PCDHGB2: variants seen among roughly 807,000 people sequenced by gnomAD.
PCDHGB2 encodes protocadherin gamma subfamily B, 2.
Under a neutral mutation model 59.3 loss-of-function variants are expected in PCDHGB2, and 55 were observed. That is an observed-to-expected ratio of 0.93 (90% confidence interval 0.75 to 1.16). The LOEUF (loss-of-function observed/expected upper bound fraction) is 1.16, where lower values mean the gene tolerates loss of function less well. Ranked by LOEUF, PCDHGB2 falls within the 50% of genes most tolerant of loss-of-function variation. The pLI is 0.00. For synonymous variants in PCDHGB2, 516 were observed against 512.0 expected (o/e 1.01, Z -0.11); for missense variants, 1,228 against 1,198.5 (o/e 1.02, Z -0.36).
intron 1 of PCDHGB2, among the ~76,000 whole-genome samples, chr5:141,433,395 CTA>C (rs1426636882): frequency 1.1e-4 from 17 of 150,770 alleles, no homozygotes; most frequent in African/African-American, 4.1e-4. Flanking sequence ...ATCTATCTAT[CTA>C]TCTATCTATT....
chr5:141,482,160 T>G (rs577572891), intron 1 of PCDHGB2, among the ~76,000 whole-genome samples: 1 of 151,854 alleles, frequency 6.6e-6, no homozygotes, highest in Admixed American at 6.6e-5. Context: ...GTCAAAGATA[T>G]GTAAGATTAA....
chr5:141,410,847 GTC>G (rs2095431261), intron 1 of PCDHGB2: 6 of 158,244 alleles, frequency 3.8e-5, no homozygotes, highest in Admixed American at 8.9e-5. Context: ...TTTTGTCTTT[GTC>G]TTTTTTTTTT....
chr5:141,476,978 C>A lies in PCDHGB2; in HGVS notation c.2422-17829C>A, dbSNP rs1468851988. The A allele has an allele frequency of 2.5e-6, 4 of 1,614,138 alleles. No individual in the cohort carries two copies. Among genetic ancestry groups the A allele is most frequent in the Admixed American group, 3.3e-5 (2 of 60,012 alleles). On this transcript the variant is annotated intron_variant, in intron 1 of 3. Transcript: ENST00000522605. This position sits in a 1 kb window ranked among gnomAD's most constrained non-coding sequence, Gnocchi z 7.6. ...TATTTACTCCTTCGGCAGCCACAAC[C>A]GCGCCGGCGTGCGGCAACTATTCGC...
chr5:141,370,737 A>T, intron 1 of PCDHGB2: 2 of 1,613,928 alleles, frequency 1.2e-6, no homozygotes, highest in Non-Finnish European at 1.7e-6. Flanking sequence ...AAAGCCTTTA[A>T]ACTTTTTTCA....
intron 1 of PCDHGB2, chr5:141,370,538 G>C: frequency 6.2e-7 from 1 of 1,613,906 alleles, no homozygotes; most frequent in Non-Finnish European, 8.5e-7. Flanking sequence ...CGCTGGTAGG[G>C]AACCTCGCCA....
chr5:141,384,021 A>G (rs1779689462), intron 1 of PCDHGB2: 1 of 1,613,720 alleles, frequency 6.2e-7, no homozygotes, highest in African/African-American at 1.3e-5. Context: ...TACAAGACAG[A>G]GATTCTGGAA....
intron 1 of PCDHGB2, chr5:141,414,493 GCT>G: frequency 6.2e-7 from 1 of 1,613,950 alleles, no homozygotes; most frequent in Non-Finnish European, 8.5e-7. Context: ...ATCAACGGAA[GCT>G]CACTTTATGC....
rs372018713 is a variant in PCDHGB2, at chr5:141,418,097, C to G, written c.2421+55541C>G. ...GAAGCTGCACTTCAGCGTAGACGCG[C>G]AGAGCGGGGACTTACTTGTGAAGGA... On this transcript the variant is annotated intron_variant, in intron 1 of 3. Coordinates refer to ENST00000522605, the MANE Select transcript of PCDHGB2 (RefSeq NM_018923.3). The G allele has an allele frequency of 5.7e-4, 921 of 1,613,980 alleles. 9 individuals are homozygous for G. The South Asian group carries it at 6.8e-3, about 12-fold the overall frequency.
At chr5:141,410,006 G>A (rs1201569227) in intron 1 of PCDHGB2, 8 of 1,613,156 alleles carry the variant, frequency 5.0e-6, no homozygotes, top group Non-Finnish European at 5.9e-6. Context: ...GGGACACAAC[G>A]CCTGGCTGTC....
chr5:141,414,415 C>A (rs769791452), intron 1 of PCDHGB2: 1 of 1,613,876 alleles, frequency 6.2e-7, no homozygotes, highest in Admixed American at 1.7e-5. Context: ...ACACAGAGCC[C>A]TTGACAGGGA....
chr5:141,368,121 T>C (rs1431804065), intron 1 of PCDHGB2, among the ~76,000 whole-genome samples: 2 of 152,228 alleles, frequency 1.3e-5, no homozygotes, highest in Non-Finnish European at 2.9e-5. Flanking sequence ...TATTAAAATA[T>C]TCTTAATCCT....
chr5:141,399,287 C>G (rs1393904771), intron 1 of PCDHGB2: 1 of 1,613,912 alleles, frequency 6.2e-7, no homozygotes, highest in Non-Finnish European at 8.5e-7. Context: ...GGCGAAGTCC[C>G]TTTTAAGATT....
rs2099388737 is a variant in PCDHGB2 at position 141,476,307 on chromosome 5, G to T, written c.2422-18500G>T. 1 of 1,613,606 alleles carries T rather than the reference G, an allele frequency of 6.2e-7. No individual in the cohort carries two copies. The highest frequency in any genetic ancestry group is 1.3e-5 in the African/African-American group (1 of 74,728). ...TTGGATCTCGGTAGCCTCTCAGCCC[G>T]CAGGTTCCGGGTGGTGTCTGGAGCT... On this transcript the variant is annotated intron_variant, in intron 1 of 3. Coordinates refer to ENST00000522605, the MANE Select transcript of PCDHGB2 (RefSeq NM_018923.3). The surrounding 1 kb of genome is among the most constrained non-coding windows in gnomAD (Gnocchi z 7.6).
rs780395794 is a variant in PCDHGB2, at chr5:141,489,685, G to A, written c.2422-5122G>A. ...GCGCATCTCAGAATCAGCAGCATCT[G>A]GGGCACGATTCCCACTGGACAGTGC... On this transcript the variant is annotated intron_variant, in intron 1 of 3. Coordinates refer to ENST00000522605, the MANE Select transcript of PCDHGB2 (RefSeq NM_018923.3). The surrounding 1 kb of genome is among the most constrained non-coding windows in gnomAD (Gnocchi z 4.5). 10 of 1,614,142 alleles carry A rather than the reference G, an allele frequency of 6.2e-6. No individual in the cohort carries two copies. The South Asian group carries it at 1.1e-4, about 18-fold the overall frequency.
chr5:141,367,301 G>C (rs1765044425), intron 1 of PCDHGB2: 1 of 152,822 alleles, frequency 6.5e-6, no homozygotes, highest in African/African-American at 2.4e-5. Flanking sequence ...CACTTTGGGA[G>C]GCTGAGGTGG....
intron 1 of PCDHGB2, chr5:141,423,397 C>A: frequency 1.9e-6 from 3 of 1,614,146 alleles, no homozygotes; most frequent in Non-Finnish European, 2.5e-6. Context: ...GCATAAGTCA[C>A]GCCTGCTGCA....
At chr5:141,415,478 GA>G (rs1209443921) in intron 1 of PCDHGB2, 2 of 1,613,964 alleles carry the variant, frequency 1.2e-6, no homozygotes, top group Non-Finnish European at 1.7e-6. Context: ...GCGGACTCGC[GA>G]AAGAGTCACC....
At chr5:141,427,954 T>G in intron 1 of PCDHGB2, 1 of 1,587,162 alleles carries the variant, frequency 6.3e-7, no homozygotes, top group Non-Finnish European at 8.6e-7. Context: ...AATGACAATG[T>G]GCCGCGGGTG....
At position 141,385,515 on chromosome 5, in the gene PCDHGB2, C is replaced by A. The variant is rs549682834; in HGVS notation, c.2421+22959C>A. On this transcript the variant is annotated intron_variant, in intron 1 of 3. Coordinates refer to ENST00000522605, the MANE Select transcript of PCDHGB2 (RefSeq NM_018923.3). ...GGATATAGTATTTCTTTAGTGAAAG[C>A]CTATGGACAAGATTATGAATATGTG... The A allele has an allele frequency of 5.6e-5, 76 of 1,362,798 alleles. No homozygotes were observed. The East Asian group carries it at 1.7e-3, about 31-fold the overall frequency. 84.4% of individuals were successfully genotyped at this position (1,362,798 alleles called of 1,614,324 possible).
Sources: gnomAD v4.1 joint callset for allele counts (sites outside exome capture counted in the v4.1 genomes callset) on GRCh38, gnomAD v4.1.1 for gene constraint, Gnocchi (gnomAD v3.1) non-coding constraint, MANE v1.5 for transcripts, NCBI Gene and HGNC (gene_info 2026-07-23, HGNC 2026-07-21) for gene names.